MAD1L1: variants seen among roughly 807,000 people sequenced by gnomAD.
The protein encoded by MAD1L1 is mitotic spindle assembly checkpoint protein MAD1.
MAD1L1 carries 95 observed loss-of-function variants against 96.9 expected under a neutral mutation model. The observed-to-expected ratio is 0.98, with a 90% CI of 0.83 to 1.16. MAD1L1 has a LOEUF of 1.16. Among genes scored for constraint, MAD1L1 ranks in the 50% most tolerant of loss-of-function variants. MAD1L1 has a pLI of 0.00. For synonymous variants in MAD1L1, 473 were observed against 396.6 expected, an observed-to-expected ratio of 1.19 and a Z score of -2.29; for missense variants, 1,007 against 954.4, an observed-to-expected ratio of 1.06 and a Z score of -0.73.
intron 9 of MAD1L1, 62 bp downstream of exon 9, chr7:2,215,823 C>A: frequency 6.7e-7 from 1 of 1,484,740 alleles, no homozygotes; most frequent in Non-Finnish European, 9.4e-7. Context: ...ACCACAATAC[C>A]GAGGCTCCTC....
chr7:1,892,542 C>T lies in MAD1L1; in HGVS notation c.1998+5658G>A, dbSNP rs185427344. ...CATCCCTAATCTGAAAATCTGGTAT[C>T]GGAAACGCTCCATTAAGCATTTCCT... is the stretch of plus-strand genomic sequence containing the variant. On this transcript the variant is annotated intron_variant, in intron 18 of 18. Coordinates refer to ENST00000265854, the MANE Select transcript of MAD1L1 (RefSeq NM_001013836.2). 3.7e-4 allele frequency among the ~76,000 whole-genome samples: 56 copies of T among 152,282 alleles called. 2 individuals carry two copies. In the East Asian group the frequency reaches 6.2e-3, roughly 17 times the overall value.
intron 18 of MAD1L1, among the ~76,000 whole-genome samples, chr7:1,856,778 C>T (rs1022941740): frequency 5.3e-5 from 8 of 152,128 alleles, no homozygotes; most frequent in Admixed American, 1.3e-4. Context: ...ACGTTCCACA[C>T]GTAACCCAAC....
At chr7:1,822,431 T>C (rs1433937991) in intron 18 of MAD1L1, among the ~76,000 whole-genome samples, 2 of 89,418 alleles carry the variant, frequency 2.2e-5, no homozygotes, top group African/African-American at 7.2e-5. Flanking sequence ...AACCTCAGCA[T>C]ATATATATAT....
At chr7:1,874,245 A>G (rs995292540) in intron 18 of MAD1L1, among the ~76,000 whole-genome samples, 6 of 152,286 alleles carry the variant, frequency 3.9e-5, no homozygotes, top group African/African-American at 1.2e-4. Flanking sequence ...CCACCAGCGC[A>G]TCAGCTTTGG....
At chr7:1,857,461 T>G (rs533125036) in intron 18 of MAD1L1, among the ~76,000 whole-genome samples, 4 of 152,082 alleles carry the variant, frequency 2.6e-5, no homozygotes, top group Non-Finnish European at 4.4e-5. Context: ...ACATAGGCAC[T>G]CCTCACAGTC....
At chr7:2,183,757 TG>T (rs1467536400) in intron 10 of MAD1L1, among the ~76,000 whole-genome samples, 1 of 146,158 alleles carries the variant, frequency 6.8e-6, no homozygotes, top group Admixed American at 6.8e-5. Context: ...TGTCGTGGGG[TG>T]GGGGGAGCGG....
At chr7:1,997,080 A>G (rs930697936) in intron 14 of MAD1L1, among the ~76,000 whole-genome samples, 1 of 152,226 alleles carries the variant, frequency 6.6e-6, no homozygotes, top group Non-Finnish European at 1.5e-5. Context: ...TTTAAAGAAA[A>G]AAACATGAAT....
chr7:1,925,793 T>G (rs564671990), intron 17 of MAD1L1, among the ~76,000 whole-genome samples: 75 of 152,320 alleles, frequency 4.9e-4, no homozygotes, highest in Non-Finnish European at 9.0e-4. Flanking sequence ...AGCACTCAGA[T>G]GCAAATTTCT....
chr7:2,185,146 G>A (rs116941780), intron 10 of MAD1L1, among the ~76,000 whole-genome samples: 1 of 152,250 alleles, frequency 6.6e-6, no homozygotes, highest in East Asian at 1.9e-4. Flanking sequence ...CAAACTTTCA[G>A]GAGGTGATTG....
intron 18 of MAD1L1, among the ~76,000 whole-genome samples, chr7:1,853,696 C>A (rs1178600850): frequency 6.6e-6 from 1 of 152,168 alleles, no homozygotes; most frequent in Non-Finnish European, 1.5e-5. Flanking sequence ...AGGCTGAGCT[C>A]AGAAGGACAC....
In MAD1L1 at chr7:1,910,889, G is replaced by A. The variant is rs117589803; in HGVS notation, c.1808-12499C>T. Among the ~76,000 whole-genome samples, 461 of 152,318 alleles carry A rather than the reference G, an allele frequency of 3.0e-3. 8 individuals are homozygous for A. The East Asian group carries it at 0.058, about 19-fold the overall frequency. On this transcript the variant is annotated intron_variant, in intron 17 of 18. Coordinates refer to ENST00000265854, the MANE Select transcript of MAD1L1 (RefSeq NM_001013836.2). ...GGGCTCCCTGTGACGCCAGTCAGGC[G>A]GGACATGGGCTCCAGCATGGCGATG...
intron 17 of MAD1L1, among the ~76,000 whole-genome samples, chr7:1,934,357 C>T (rs1311484142): frequency 2.0e-5 from 3 of 152,214 alleles, no homozygotes; most frequent in South Asian, 2.1e-4. Flanking sequence ...GAGACCCAGA[C>T]AAGAGGTTAA....
At chr7:2,007,329 G>C (rs1395832921) in intron 13 of MAD1L1, among the ~76,000 whole-genome samples, 1 of 152,218 alleles carries the variant, frequency 6.6e-6, no homozygotes, top group East Asian at 1.9e-4. Context: ...GTGCAGTAAC[G>C]CGTCACTGGA....
At chr7:1,888,586 ATGCG>A (rs1333888519) in intron 18 of MAD1L1, among the ~76,000 whole-genome samples, 3 of 149,470 alleles carry the variant, frequency 2.0e-5, no homozygotes, top group Non-Finnish European at 4.4e-5. Flanking sequence ...GTGAGCATGC[ATGCG>A]TGCATGTGGC....
At chr7:2,143,657 G>T (rs894114820) in intron 11 of MAD1L1, among the ~76,000 whole-genome samples, 3 of 151,968 alleles carry the variant, frequency 2.0e-5, no homozygotes, top group African/African-American at 7.3e-5. Flanking sequence ...GATGAAACAG[G>T]CCAGGCCCAG....
intron 11 of MAD1L1, among the ~76,000 whole-genome samples, chr7:2,075,996 C>T (rs537674910): frequency 6.6e-6 from 1 of 152,352 alleles, no homozygotes; most frequent in East Asian, 1.9e-4. Context: ...CCGCGGGAGA[C>T]AGGCTCTGAG....
chr7:1,966,509 T>G (rs1428279740), intron 15 of MAD1L1, among the ~76,000 whole-genome samples: 2 of 134,718 alleles, frequency 1.5e-5, no homozygotes, highest in Non-Finnish European at 1.5e-5. Context: ...GAAAAGTGAA[T>G]TGCTGAAAAA....
At chr7:2,012,449 A>G (rs1326773349) in intron 13 of MAD1L1, among the ~76,000 whole-genome samples, 1 of 152,246 alleles carries the variant, frequency 6.6e-6, no homozygotes, top group East Asian at 1.9e-4. Flanking sequence ...TGAGATGGCT[A>G]TTAACGCACT....
chr7:1,886,612 G>A (rs1218684625), intron 18 of MAD1L1, among the ~76,000 whole-genome samples: 1 of 152,248 alleles, frequency 6.6e-6, no homozygotes, highest in Non-Finnish European at 1.5e-5. Flanking sequence ...GGCGTGTGCA[G>A]GTTCTCTGCT....
Sources: allele counts gnomAD v4.1 joint callset (sites outside exome capture counted in the v4.1 genomes callset), GRCh38; gene constraint gnomAD v4.1.1; transcripts MANE v1.5; gene names NCBI Gene and HGNC (gene_info 2026-07-23, HGNC 2026-07-21).